UBTD1: variants seen among roughly 807,000 people sequenced by gnomAD.
UBTD1 encodes ubiquitin domain containing 1.
UBTD1 carries 19 observed loss-of-function variants against 21.7 expected under a neutral mutation model. The ratio of observed to expected loss-of-function variants is 0.87; its 90% CI spans 0.61 to 1.28. UBTD1 has a LOEUF of 1.28. Among genes scored for constraint, UBTD1 ranks in the 50% most tolerant of loss-of-function variants. The probability of loss-of-function intolerance (pLI) is 0.00; values close to 1 mark genes in which losing one functional copy is unlikely to be tolerated. For synonymous variants in UBTD1, 116 were observed against 135.1 expected, an observed-to-expected ratio of 0.86 and a Z score of 0.98; for missense variants, 282 against 315.1, an observed-to-expected ratio of 0.89 and a Z score of 0.80.
chr10:97,552,223 A>T (rs1283239845), intron 1 of UBTD1, among the ~76,000 whole-genome samples: 1 of 151,866 alleles, frequency 6.6e-6, no homozygotes, highest in East Asian at 1.9e-4. Flanking sequence ...ATTTTTTTTA[A>T]ATTATCCAGT....
chr10:97,570,145 C>T lies in UBTD1; in HGVS notation c.306C>T (p.Leu102=), dbSNP rs78325225. ...GASITLPHGT[L]CECYDELGNR... ...GCCCTGCCTCTCCTACAGGCACCCT[C>T]TGTGAATGCTACGATGAGCTGGGCA... is the stretch of plus-strand genomic sequence containing the variant. Residue 102 remains leucine (L), a synonymous_variant, in exon 3 of 3, where the codon CTC becomes CTT. Coordinates refer to ENST00000370664, the MANE Select transcript of UBTD1 (RefSeq NM_024954.5). The surrounding 1 kb of genome is among the most constrained non-coding windows in gnomAD (Gnocchi z 6.6). 8.1e-6 allele frequency: 13 copies of T among 1,604,572 alleles called. No individual in the cohort carries two copies. In the East Asian group the frequency reaches 2.9e-4, roughly 36 times the overall value.
intron 1 of UBTD1, among the ~76,000 whole-genome samples, chr10:97,541,093 G>C (rs1221591998): frequency 6.6e-6 from 1 of 152,138 alleles, no homozygotes; most frequent in East Asian, 1.9e-4. Context: ...CTGGATTCCT[G>C]TCATTGCCTC....
intron 1 of UBTD1, among the ~76,000 whole-genome samples, chr10:97,566,724 G>A (rs2040718753): frequency 6.6e-6 from 1 of 152,198 alleles, no homozygotes; most frequent in Admixed American, 6.5e-5. Context: ...CCCAGCCAGT[G>A]GGAGCAGCCT....
chr10:97,570,270 G>A lies in UBTD1; in HGVS notation c.431G>A (p.Ser144Asn). 1 of 1,613,146 alleles carries A rather than the reference G, an allele frequency of 6.2e-7. No individual in the cohort carries two copies. Among genetic ancestry groups the A allele is most frequent in the Non-Finnish European group, 8.5e-7 (1 of 1,179,974 alleles). ...CTGGAGCCCCCCGAGCCTCCACCCA[G>A]CGTGCGCCGTGAGTTCCCGCTGAAG... is the stretch of plus-strand genomic sequence containing the variant. The part of the protein sequence containing the change: ...ESLEPPEPPP[S>N]VRREFPLKVR... The change falls in exon 3 of 3, where the codon AGC (serine) becomes AAC (asparagine). Residue 144 changes from serine (S) to asparagine (N), a missense_variant. Ser to Asn is a conservative substitution (Grantham distance 46, BLOSUM62 1). Coordinates refer to ENST00000370664, the MANE Select transcript of UBTD1 (RefSeq NM_024954.5). The surrounding 1 kb of genome is among the most constrained non-coding windows in gnomAD (Gnocchi z 6.6).
At chr10:97,538,021 T>G (rs2040571283) in intron 1 of UBTD1, among the ~76,000 whole-genome samples, 1 of 151,876 alleles carries the variant, frequency 6.6e-6, no homozygotes, top group African/African-American at 2.4e-5. Flanking sequence ...AGATGGGCTT[T>G]CACCATGTTG....
At position 97,535,968 on chromosome 10, in the gene UBTD1, AATTATT is replaced by A. The variant is rs760908517; in HGVS notation, c.71-31912_71-31907del. Among the ~76,000 whole-genome samples, 41 of 90,172 alleles carry A rather than the reference AATTATT, an allele frequency of 4.5e-4. 1 individual carries two copies. In the South Asian group the frequency reaches 6.3e-3, roughly 14 times the overall value. The allele number at this position is 90,172 out of a possible 152,430, so 59.2% of individuals were successfully genotyped here. ...TATCACCTACATGTAGTTGGAGAGA[AATTATT>A]ATTATTATTATTATTATTATTATTA... On this transcript the variant is annotated intron_variant, in intron 1 of 2. Transcript: ENST00000370664.
intron 1 of UBTD1, among the ~76,000 whole-genome samples, chr10:97,552,199 TAA>T (rs561576918): frequency 6.3e-5 from 9 of 142,120 alleles, no homozygotes; most frequent in South Asian, 2.2e-4. Flanking sequence ...ACCCCATCTC[TAA>T]AAAAAAAAAA....
chr10:97,547,763 C>G (rs749383802), intron 1 of UBTD1, among the ~76,000 whole-genome samples: 1 of 152,270 alleles, frequency 6.6e-6, no homozygotes, highest in Non-Finnish European at 1.5e-5. Context: ...TGGGGTTTCA[C>G]CATGTTGGCC....
intron 1 of UBTD1, among the ~76,000 whole-genome samples, chr10:97,510,184 C>T (rs968461809): frequency 2.7e-5 from 4 of 150,810 alleles, no homozygotes; most frequent in South Asian, 2.1e-4. Context: ...AGGCTGATCT[C>T]GAACTCCTGG....
intron 1 of UBTD1, among the ~76,000 whole-genome samples, chr10:97,562,741 G>A (rs1589884197): frequency 6.6e-6 from 1 of 152,152 alleles, no homozygotes; most frequent in South Asian, 2.1e-4. Context: ...GCAGGAACTG[G>A]GCTATTTTCA....
intron 1 of UBTD1, among the ~76,000 whole-genome samples, chr10:97,558,144 A>G (rs1455711493): frequency 1.3e-5 from 2 of 151,104 alleles, no homozygotes; most frequent in Non-Finnish European, 2.9e-5. Flanking sequence ...TACAGCTCCC[A>G]GTCTACTGAT....
chr10:97,568,905 C>T (rs7077096), intron 2 of UBTD1, among the ~76,000 whole-genome samples: 13,718 of 152,134 alleles, frequency 0.09, 1,790 homozygotes, highest in African/African-American at 0.29. Context: ...CTCACCGCAA[C>T]CTGCGCCGCC....
chr10:97,529,875 C>G (rs985986280), intron 1 of UBTD1, among the ~76,000 whole-genome samples: 1 of 152,174 alleles, frequency 6.6e-6, no homozygotes, highest in Non-Finnish European at 1.5e-5. Flanking sequence ...GCTTGCAGCT[C>G]CACAAACCTG....
At chr10:97,499,527 A>G (rs976855745) in intron 1 of UBTD1, among the ~76,000 whole-genome samples, 2 of 152,136 alleles carry the variant, frequency 1.3e-5, no homozygotes, top group Admixed American at 1.3e-4. Context: ...GGGTGGGGGC[A>G]GGAAATGTTT....
chr10:97,501,958 C>G (rs541028007), intron 1 of UBTD1, among the ~76,000 whole-genome samples: 1 of 152,288 alleles, frequency 6.6e-6, no homozygotes, highest in South Asian at 2.1e-4. Flanking sequence ...CAATTATGTA[C>G]TCTGTATTAT....
intron 1 of UBTD1, among the ~76,000 whole-genome samples, chr10:97,553,058 A>G (rs1287932285): frequency 6.6e-6 from 1 of 152,266 alleles, no homozygotes; most frequent in African/African-American, 2.4e-5. Context: ...GGCGTGCACC[A>G]ATTTGTGCAG....
chr10:97,524,099 A>C (rs1302565656), intron 1 of UBTD1, among the ~76,000 whole-genome samples: 1 of 152,070 alleles, frequency 6.6e-6, no homozygotes, highest in African/African-American at 2.4e-5. Flanking sequence ...CCCTGATCAC[A>C]GTGCCCCTGC....
At chr10:97,546,826 A>C (rs1183130362) in intron 1 of UBTD1, among the ~76,000 whole-genome samples, 2 of 152,180 alleles carry the variant, frequency 1.3e-5, no homozygotes, top group East Asian at 1.9e-4. Flanking sequence ...TTCTAGTTAT[A>C]ATTCAGCTTC....
intron 1 of UBTD1, among the ~76,000 whole-genome samples, chr10:97,502,878 T>TATATACATATATACATATATATAC (rs1564733920): frequency 1.7e-5 from 2 of 116,834 alleles, no homozygotes; most frequent in African/African-American, 6.6e-5. Flanking sequence ...TATATATGTA[T>TATATACATATATACATATATATAC]ATATATACGT....
Sources: gnomAD v4.1 joint callset for allele counts (sites outside exome capture counted in the v4.1 genomes callset) on GRCh38, gnomAD v4.1.1 for gene constraint, Gnocchi (gnomAD v3.1) non-coding constraint, MANE v1.5 for transcripts, NCBI Gene and HGNC (gene_info 2026-07-23, HGNC 2026-07-21) for gene names.